Variants in RARB observed in about 807,000 individuals in gnomAD.
RARB encodes the protein HBV-activated protein.
In RARB, 17 loss-of-function variants were observed where a neutral mutation model predicts 51.9. The ratio of observed to expected loss-of-function variants is 0.33; its 90% CI spans 0.22 to 0.49. RARB has a LOEUF of 0.49. Ranked by LOEUF, RARB falls within the 20% of genes least tolerant of loss-of-function variation. The pLI is 0.99. For synonymous variants in RARB, 215 were observed against 195.4 expected (o/e 1.10, Z -0.84); for missense variants, 369 against 550.8 (o/e 0.67, Z 3.30).
chr3:24,844,429 C>A (rs746943375), intron 1 of RARB, among the ~76,000 whole-genome samples: 12 of 152,220 alleles, frequency 7.9e-5, no homozygotes, highest in African/African-American at 1.9e-4. Flanking sequence ...CCCACGTCTG[C>A]AACTAACCTG....
chr3:24,984,467 T>G (rs1208982913), intron 2 of RARB, among the ~76,000 whole-genome samples: 1 of 152,204 alleles, frequency 6.6e-6, no homozygotes, highest in African/African-American at 2.4e-5. Context: ...AGAAAACATC[T>G]CTTTTAAAGT....
At chr3:25,319,731 G>A (rs1363077422) in intron 5 of RARB, among the ~76,000 whole-genome samples, 1 of 152,140 alleles carries the variant, frequency 6.6e-6, no homozygotes, top group Non-Finnish European at 1.5e-5. Flanking sequence ...ATGATGAAAC[G>A]AACCCTGCAT....
intron 1 of RARB, among the ~76,000 whole-genome samples, chr3:24,843,948 ACTTGTAC>A (rs1702453019): frequency 6.7e-6 from 1 of 149,640 alleles, no homozygotes; most frequent in Non-Finnish European, 1.5e-5. Context: ...TTCTCTCGGC[ACTTGTAC>A]CTTGGTCAAT....
intron 2 of RARB, among the ~76,000 whole-genome samples, chr3:24,982,061 C>T (rs1245753111): frequency 1.3e-5 from 2 of 152,348 alleles, no homozygotes; most frequent in East Asian, 3.9e-4. Context: ...TGGCCAGCCA[C>T]TGCTTCAATG....
intron 2 of RARB, among the ~76,000 whole-genome samples, chr3:25,050,309 A>T: frequency 6.6e-6 from 1 of 152,224 alleles, no homozygotes; most frequent in Non-Finnish European, 1.5e-5. Flanking sequence ...CAGATAAGAC[A>T]CACTGCATCA....
chr3:25,022,301 T>C (rs1697655019), intron 2 of RARB, among the ~76,000 whole-genome samples: 2 of 152,210 alleles, frequency 1.3e-5, no homozygotes, highest in South Asian at 4.1e-4. Flanking sequence ...ATTAATTAGT[T>C]TTTCCATTTG....
At chr3:25,422,158 A>G (rs1385097759) in intron 5 of RARB, among the ~76,000 whole-genome samples, 1 of 152,190 alleles carries the variant, frequency 6.6e-6, no homozygotes. Context: ...TATGATCTCA[A>G]AAAATGAAGT....
chr3:24,864,043 C>G (rs1389172226), intron 2 of RARB, among the ~76,000 whole-genome samples: 2 of 152,182 alleles, frequency 1.3e-5, no homozygotes, highest in African/African-American at 4.8e-5. Flanking sequence ...ATGTGATTTT[C>G]TGCCCTAAGC....
intron 5 of RARB, among the ~76,000 whole-genome samples, chr3:25,263,372 G>A (rs1455944750): frequency 6.6e-6 from 1 of 152,080 alleles, no homozygotes; most frequent in African/African-American, 2.4e-5. Flanking sequence ...AACTTGCCTA[G>A]TGTCAGACAG....
intron 5 of RARB, among the ~76,000 whole-genome samples, chr3:25,582,354 ACT>A (rs1480930351): frequency 6.6e-6 from 1 of 152,040 alleles, no homozygotes; most frequent in Non-Finnish European, 1.5e-5. Flanking sequence ...CTGTGAGGTG[ACT>A]CACAGCAAAT....
chr3:25,588,192 A>G (rs1418603770), intron 5 of RARB, among the ~76,000 whole-genome samples: 1 of 152,258 alleles, frequency 6.6e-6, no homozygotes, highest in African/African-American at 2.4e-5. Flanking sequence ...AGAATGAACT[A>G]TTGCTGTGTA....
intron 5 of RARB, among the ~76,000 whole-genome samples, chr3:25,209,515 G>A (rs1233099579): frequency 6.6e-6 from 1 of 152,184 alleles, no homozygotes; most frequent in Admixed American, 6.5e-5. Flanking sequence ...AGCACCATAG[G>A]ATGCTTTTGT....
intron 5 of RARB, among the ~76,000 whole-genome samples, chr3:25,301,146 A>T (rs1431508046): frequency 6.6e-6 from 1 of 152,206 alleles, no homozygotes; most frequent in African/African-American, 2.4e-5. Context: ...TGGGGTTATC[A>T]GGGTATTAAA....
At chr3:25,191,368 T>G (rs545210613) in intron 5 of RARB, among the ~76,000 whole-genome samples, 1 of 152,230 alleles carries the variant, frequency 6.6e-6, no homozygotes, top group South Asian at 2.1e-4. Context: ...GAATTTTGTT[T>G]ATTCCACCTT....
At chr3:25,110,398 G>A (rs1264241371) in intron 3 of RARB, among the ~76,000 whole-genome samples, 2 of 152,206 alleles carry the variant, frequency 1.3e-5, no homozygotes, top group Non-Finnish European at 2.9e-5. Context: ...CAATCTAAGA[G>A]ATGCCAAAAT....
intron 2 of RARB, among the ~76,000 whole-genome samples, chr3:24,873,498 G>T (rs1702984515): frequency 6.6e-6 from 1 of 151,854 alleles, no homozygotes; most frequent in Non-Finnish European, 1.5e-5. Flanking sequence ...TCTTGACAGA[G>T]ATTTTACTGT....
chr3:25,155,983 T>C (rs1487667284), intron 4 of RARB, among the ~76,000 whole-genome samples: 1 of 152,182 alleles, frequency 6.6e-6, no homozygotes, highest in African/African-American at 2.4e-5. Context: ...GAGGCCTTAG[T>C]TCATTTGTTT....
chr3:25,243,188 T>C (rs140275615), intron 5 of RARB, among the ~76,000 whole-genome samples: 6,550 of 152,306 alleles, frequency 0.043, 292 homozygotes, highest in African/African-American at 0.11. Flanking sequence ...AAGTTACTTA[T>C]CAGCTTAAGG....
intron 5 of RARB, among the ~76,000 whole-genome samples, chr3:25,190,878 T>A (rs1030861206): frequency 1.3e-5 from 2 of 151,880 alleles, no homozygotes; most frequent in African/African-American, 4.8e-5. Flanking sequence ...AGATGTGCCA[T>A]CAAAAAAAAT....
Sources: allele counts gnomAD v4.1 joint callset (sites outside exome capture counted in the v4.1 genomes callset), GRCh38; gene constraint gnomAD v4.1.1; transcripts MANE v1.5; gene names NCBI Gene and HGNC (gene_info 2026-07-23, HGNC 2026-07-21).